The following IL1RAPL2 variants were observed in gnomAD, a reference collection of about 807,000 sequenced individuals.
IL1RAPL2 encodes interleukin 1 receptor accessory protein like 2, also known as X-linked interleukin-1 receptor accessory protein-like 2.
A neutral mutation model predicts 44.1 loss-of-function variants in IL1RAPL2; 3 were observed. That is an observed-to-expected ratio of 0.07 (90% CI 0.03 to 0.18). The LOEUF is 0.18. Among genes scored for constraint, IL1RAPL2 ranks in the 10% least tolerant of loss-of-function variants. The probability of loss-of-function intolerance (pLI) is 1.00; values close to 1 mark genes in which losing one functional copy is unlikely to be tolerated. For missense variants in IL1RAPL2, 391 were observed against 496.4 expected (o/e 0.79, Z 2.02); for synonymous variants, 181 against 178.8 (o/e 1.01, Z -0.10).
At chrX:104,819,480 C>T (rs1341892387) in intron 2 of IL1RAPL2, among the ~76,000 whole-genome samples, 2 of 111,952 alleles carry the variant, frequency 1.8e-5, no homozygotes, top group Non-Finnish European at 3.8e-5. Flanking sequence ...TCTACCCTAA[C>T]CAATTTTTTT....
chrX:105,558,578 G>C (rs1252797756), intron 6 of IL1RAPL2, among the ~76,000 whole-genome samples: 1 of 111,852 alleles, frequency 8.9e-6, no homozygotes, highest in Non-Finnish European at 1.9e-5. Flanking sequence ...TGACCATGTA[G>C]ACACTCAATA....
chrX:105,421,735 T>C (rs1407647383), intron 5 of IL1RAPL2, among the ~76,000 whole-genome samples: 2 of 111,177 alleles, frequency 1.8e-5, no homozygotes, highest in Non-Finnish European at 3.8e-5. Flanking sequence ...GCTATGAAAA[T>C]GGTTTATGTA....
At chrX:105,101,267 C>A (rs1348131949) in intron 2 of IL1RAPL2, among the ~76,000 whole-genome samples, 1 of 111,840 alleles carries the variant, frequency 8.9e-6, no homozygotes, top group Non-Finnish European at 1.9e-5. Flanking sequence ...TGTCATTAAA[C>A]TGGGATAAGT....
At chrX:105,164,328 G>A (rs906683000) in intron 2 of IL1RAPL2, among the ~76,000 whole-genome samples, 6 of 111,699 alleles carry the variant, frequency 5.4e-5, no homozygotes, top group Middle Eastern at 4.6e-3. Context: ...TGTTGAGGGC[G>A]ACCAATCTGT....
chrX:104,956,461 A>AGTGTGTGTGTGT (rs59541869), intron 2 of IL1RAPL2, among the ~76,000 whole-genome samples: 25,208 of 83,655 alleles, frequency 0.3, 3,296 homozygotes, highest in Middle Eastern at 0.47. Context: ...GTCTCTACTA[A>AGTGTGTGTGTGT]GTGTGTGTGT....
chrX:104,819,773 T>C (rs1921248246), intron 2 of IL1RAPL2, among the ~76,000 whole-genome samples: 1 of 111,877 alleles, frequency 8.9e-6, no homozygotes, highest in African/African-American at 3.2e-5. Context: ...GCGGTAAAAA[T>C]GCTTTGTGAT....
chrX:105,652,088 G>A (rs1056620547), intron 6 of IL1RAPL2, among the ~76,000 whole-genome samples: 3 of 111,465 alleles, frequency 2.7e-5, no homozygotes, highest in African/African-American at 9.8e-5. Context: ...AAGAGAAACT[G>A]TCAATCCACT....
At chrX:104,985,088 T>C (rs2030534963) in intron 2 of IL1RAPL2, among the ~76,000 whole-genome samples, 1 of 85,354 alleles carries the variant, frequency 1.2e-5, no homozygotes, top group Non-Finnish European at 2.4e-5. Context: ...TGTTTTATTT[T>C]TCTTTATTTT....
At chrX:104,643,225 T>C (rs1929968853) in intron 1 of IL1RAPL2, among the ~76,000 whole-genome samples, 1 of 111,784 alleles carries the variant, frequency 8.9e-6, no homozygotes, top group Admixed American at 9.5e-5. Context: ...GGTAAATTTT[T>C]TGAAGGCTTT....
In IL1RAPL2 at chrX:105,164,094, G is replaced by GA. The variant is rs5903261; in HGVS notation, c.83-31369dup. Among the ~76,000 whole-genome samples the GA allele has an allele frequency of 7.0e-3, 722 of 102,467 alleles. 6 individuals carry two copies. The highest frequency in any genetic ancestry group is 0.023 in the African/African-American group (643 of 28,275). The allele number at this position is 102,467 out of a possible 115,157, so 89.0% of individuals were successfully genotyped here. A position where few individuals can be genotyped will look rare whatever the true frequency, so the allele number is the denominator to read the frequency against. ...CCTAAAATGATTTCAATTGCCTTTG[G>GA]AAAAAAAAAAAACAAGCAGAAATCT... On this transcript the variant is annotated intron_variant, in intron 2 of 10. Transcript: ENST00000372582.
At chrX:105,448,516 C>G (rs956295694) in intron 5 of IL1RAPL2, among the ~76,000 whole-genome samples, 2 of 110,335 alleles carry the variant, frequency 1.8e-5, no homozygotes, top group Non-Finnish European at 3.8e-5. Context: ...AGGTGCCCAC[C>G]ACCATGCCCG....
intron 3 of IL1RAPL2, among the ~76,000 whole-genome samples, chrX:105,233,425 G>C (rs1280117656): frequency 8.9e-6 from 1 of 112,376 alleles, no homozygotes; most frequent in African/African-American, 3.2e-5. Context: ...TATCCCTGTA[G>C]TAACTGTTAA....
chrX:104,920,488 T>A (rs1165982800), intron 2 of IL1RAPL2, among the ~76,000 whole-genome samples: 1 of 100,856 alleles, frequency 9.9e-6, no homozygotes, highest in Non-Finnish European at 2.0e-5. Flanking sequence ...GAGTGAGTTA[T>A]CGTGAGATAT....
intron 7 of IL1RAPL2, among the ~76,000 whole-genome samples, chrX:105,734,016 G>A (rs1398399121): frequency 9.0e-6 from 1 of 111,416 alleles, no homozygotes. Flanking sequence ...TTACTCTTTG[G>A]TATAGCTATA....
At chrX:105,169,395 G>T (rs1272239248) in intron 2 of IL1RAPL2, among the ~76,000 whole-genome samples, 1 of 97,755 alleles carries the variant, frequency 1.0e-5, no homozygotes, top group Non-Finnish European at 2.0e-5. Flanking sequence ...CTCTAATTCA[G>T]TGAAAAAAAA....
chrX:105,617,395 A>G (rs1404768857), intron 6 of IL1RAPL2, among the ~76,000 whole-genome samples: 1 of 111,114 alleles, frequency 9.0e-6, no homozygotes, highest in East Asian at 2.9e-4. Context: ...AGCAGCAGCT[A>G]CTCAATTCTG....
At chrX:104,765,779 G>A (rs914747692) in intron 2 of IL1RAPL2, among the ~76,000 whole-genome samples, 2 of 111,686 alleles carry the variant, frequency 1.8e-5, no homozygotes, top group African/African-American at 6.5e-5. Flanking sequence ...GTCTTGAGTA[G>A]AACTGAAAAT....
chrX:105,476,503 GT>G (rs2036198468), intron 5 of IL1RAPL2, among the ~76,000 whole-genome samples: 1 of 111,811 alleles, frequency 8.9e-6, no homozygotes, highest in Admixed American at 9.5e-5. Flanking sequence ...CACTGGTTCT[GT>G]TTTTTGTGGT....
intron 2 of IL1RAPL2, among the ~76,000 whole-genome samples, chrX:105,025,726 A>G (rs1462268314): frequency 9.0e-6 from 1 of 111,556 alleles, no homozygotes; most frequent in African/African-American, 3.2e-5. Flanking sequence ...AATGCCTGTC[A>G]GTGTTTCTTG....
Sources: gnomAD v4.1 joint callset for allele counts (sites outside exome capture counted in the v4.1 genomes callset) on GRCh38, gnomAD v4.1.1 for gene constraint, MANE v1.5 for transcripts, NCBI Gene and HGNC (gene_info 2026-07-23, HGNC 2026-07-21) for gene names.